Variants in TNFSF4 observed in about 807,000 individuals in gnomAD.
The protein encoded by TNFSF4 is TNF superfamily member 4, also known as tumor necrosis factor ligand superfamily member 4.
A neutral mutation model predicts 7.3 loss-of-function variants in TNFSF4; 4 were observed. That is an observed-to-expected ratio of 0.55 (90% CI 0.27 to 1.25). TNFSF4 has a LOEUF of 1.25. Among genes scored for constraint, TNFSF4 ranks in the 50% most tolerant of loss-of-function variants. TNFSF4 has a pLI of 0.12. For synonymous variants in TNFSF4, 76 were observed against 83.7 expected (o/e 0.91, Z 0.50); for missense variants, 181 against 208.8 (o/e 0.87, Z 0.82).
At chr1:173,183,144 T>C (rs1408281433), downstream of TNFSF4, among the ~76,000 whole-genome samples, 2 of 152,020 alleles carry the variant, frequency 1.3e-5, no homozygotes, top group African/African-American at 4.8e-5. Flanking sequence ...AGAGAAAGAA[T>C]AGGGCTGAGA....
At chr1:173,354,387 T>C in the TNFSF4 span, among the ~76,000 whole-genome samples, 1 of 152,142 alleles carries the variant, frequency 6.6e-6, no homozygotes, top group Admixed American at 6.5e-5. Context: ...ACAAGATGGA[T>C]TCACAGCTGA....
At chr1:173,298,223 A>G in the TNFSF4 span, among the ~76,000 whole-genome samples, 2 of 151,914 alleles carry the variant, frequency 1.3e-5, no homozygotes, top group African/African-American at 2.4e-5. Flanking sequence ...GAGGTGACAG[A>G]TCCTATATTA....
At chr1:173,449,372 G>C in the TNFSF4 span, among the ~76,000 whole-genome samples, 2 of 148,316 alleles carry the variant, frequency 1.3e-5, no homozygotes. Context: ...TCTTGTGTGT[G>C]ACAGACAGTC....
At chr1:173,403,661 T>C in the TNFSF4 span, among the ~76,000 whole-genome samples, 2 of 152,184 alleles carry the variant, frequency 1.3e-5, no homozygotes, top group Admixed American at 6.5e-5. Flanking sequence ...CCCAGCACTT[T>C]GGGAGGCCAA....
At chr1:173,348,142 C>T in the TNFSF4 span, among the ~76,000 whole-genome samples, 51 of 152,190 alleles carry the variant, frequency 3.4e-4, no homozygotes, top group African/African-American at 1.1e-3. Context: ...TTGCTGTGTC[C>T]CCACCCAAAT....
the TNFSF4 span, chr1:173,352,033 G>T: frequency 1.1e-5 from 4 of 364,664 alleles, no homozygotes; most frequent in South Asian, 4.6e-5. Flanking sequence ...TACAAGTTTT[G>T]ATTAAAATTT....
At chr1:173,215,716 A>G in the TNFSF4 span, among the ~76,000 whole-genome samples, 1 of 152,336 alleles carries the variant, frequency 6.6e-6, no homozygotes, top group East Asian at 1.9e-4. Flanking sequence ...GCAATCAGCA[A>G]TCATCAACAT....
chr1:173,420,307 A>G, the TNFSF4 span, among the ~76,000 whole-genome samples: 1 of 152,172 alleles, frequency 6.6e-6, no homozygotes, highest in Non-Finnish European at 1.5e-5. Flanking sequence ...CCAAGGAGGA[A>G]GGCATGGACT....
At chr1:173,315,594 C>T in the TNFSF4 span, among the ~76,000 whole-genome samples, 18 of 152,160 alleles carry the variant, frequency 1.2e-4, no homozygotes, top group South Asian at 2.5e-3. Context: ...ATTGTAAGGA[C>T]ACGTGATTAA....
chr1:173,275,259 G>C, the TNFSF4 span, among the ~76,000 whole-genome samples: 1 of 152,222 alleles, frequency 6.6e-6, no homozygotes, highest in Non-Finnish European at 1.5e-5. Flanking sequence ...TCCCAGATGA[G>C]GAACCCTGAG....
At chr1:173,406,190 G>A in the TNFSF4 span, among the ~76,000 whole-genome samples, 1 of 152,078 alleles carries the variant, frequency 6.6e-6, no homozygotes, top group Non-Finnish European at 1.5e-5. Flanking sequence ...GCAGGGCTTT[G>A]GCATATAGTA....
chr1:173,322,280 A>T, the TNFSF4 span, among the ~76,000 whole-genome samples: 1 of 152,138 alleles, frequency 6.6e-6, no homozygotes, highest in East Asian at 1.9e-4. Flanking sequence ...ACATGGACAC[A>T]CAGAGGGAAG....
the TNFSF4 span, among the ~76,000 whole-genome samples, chr1:173,423,652 T>C: frequency 1.3e-5 from 2 of 152,132 alleles, no homozygotes; most frequent in Non-Finnish European, 1.5e-5. Context: ...TGGAAGCATA[T>C]GGGGTAGGAA....
chr1:173,356,328 A>G, the TNFSF4 span, among the ~76,000 whole-genome samples: 10 of 152,372 alleles, frequency 6.6e-5, no homozygotes, highest in East Asian at 1.9e-3. Context: ...AAGGGGTATT[A>G]GAATAAGAAG....
chr1:173,222,836 AG>A, the TNFSF4 span, among the ~76,000 whole-genome samples: 1 of 152,224 alleles, frequency 6.6e-6, no homozygotes, highest in African/African-American at 2.4e-5. Context: ...GTGGGGTAAA[AG>A]CAAGACCATG....
the TNFSF4 span, among the ~76,000 whole-genome samples, chr1:173,215,554 T>C: frequency 5.3e-5 from 8 of 152,226 alleles, no homozygotes; most frequent in Non-Finnish European, 8.8e-5. Flanking sequence ...ATAGTCTACG[T>C]AATACACTAA....
At chr1:173,179,409 A>G (rs1034997296), downstream of TNFSF4, among the ~76,000 whole-genome samples, 1 of 152,170 alleles carries the variant, frequency 6.6e-6, no homozygotes, top group Non-Finnish European at 1.5e-5. Flanking sequence ...CCTTGTTGCT[A>G]CACAGGAAGA....
At chr1:173,252,588 G>GT in the TNFSF4 span, among the ~76,000 whole-genome samples, 1 of 151,920 alleles carries the variant, frequency 6.6e-6, no homozygotes, top group East Asian at 1.9e-4. Context: ...GCCTTGCATA[G>GT]GAAATTTCTC....
At chr1:173,253,864 C>T in the TNFSF4 span, among the ~76,000 whole-genome samples, 4 of 152,074 alleles carry the variant, frequency 2.6e-5, no homozygotes, top group African/African-American at 7.3e-5. Flanking sequence ...AGTTGTAGGA[C>T]GTGTATGCAG....
Sources: allele counts gnomAD v4.1 joint callset (sites outside exome capture counted in the v4.1 genomes callset), GRCh38; gene constraint gnomAD v4.1.1; transcripts MANE v1.5; gene names NCBI Gene and HGNC (gene_info 2026-07-23, HGNC 2026-07-21).